Variants in GFRA2 observed in about 807,000 individuals in gnomAD.
GFRA2 encodes GDNF family receptor alpha 2.
Under a neutral mutation model 48.3 loss-of-function variants are expected in GFRA2, and 17 were observed. The ratio of observed to expected loss-of-function variants is 0.35; its 90% CI spans 0.24 to 0.53. The LOEUF (loss-of-function observed/expected upper bound fraction) is 0.53. GFRA2 is among the 20% of genes least tolerant of loss of function. GFRA2 has a pLI of 0.93. For synonymous variants in GFRA2, 305 were observed against 257.2 expected (o/e 1.19, Z -1.78); for missense variants, 660 against 637.3 (o/e 1.04, Z -0.38).
intron 7 of GFRA2, among the ~76,000 whole-genome samples, chr8:21,696,308 C>T (rs1241357364): frequency 6.6e-6 from 1 of 151,362 alleles, no homozygotes; most frequent in Non-Finnish European, 1.5e-5. Context: ...CACCCCCATC[C>T]ACCATAACAG....
intron 4 of GFRA2, among the ~76,000 whole-genome samples, chr8:21,726,450 A>C (rs1405988014): frequency 6.6e-6 from 1 of 152,190 alleles, no homozygotes; most frequent in Admixed American, 6.5e-5. Context: ...GTGGCTTAAA[A>C]TAACACAAGT....
At chr8:21,787,308 G>C (rs1191033810) in intron 1 of GFRA2, among the ~76,000 whole-genome samples, 1 of 148,648 alleles carries the variant, frequency 6.7e-6, no homozygotes, top group African/African-American at 2.5e-5. Context: ...AGTGGTCTTT[G>C]TTCAGACCCG....
intron 4 of GFRA2, among the ~76,000 whole-genome samples, chr8:21,733,992 G>A (rs1804328450): frequency 1.3e-5 from 2 of 152,316 alleles, no homozygotes; most frequent in East Asian, 1.9e-4. Flanking sequence ...AGGGGAGGGA[G>A]GGCAGGGGAC....
chr8:21,764,839 CCCT>C (rs1454950177), intron 3 of GFRA2, among the ~76,000 whole-genome samples: 1 of 152,172 alleles, frequency 6.6e-6, no homozygotes. Flanking sequence ...CTACCCAGCC[CCCT>C]ATTTCACTAC....
At chr8:21,790,193 C>T, upstream of GFRA2, 4 of 689,740 alleles carry the variant, frequency 5.8e-6, no homozygotes, top group Non-Finnish European at 7.1e-6. Context: ...GCGGGAGAGG[C>T]GCGGGGTCGC....
chr8:21,714,559 T>C (rs1418320247), intron 4 of GFRA2, among the ~76,000 whole-genome samples: 1 of 152,070 alleles, frequency 6.6e-6, no homozygotes, highest in Non-Finnish European at 1.5e-5. Flanking sequence ...TATCAGGTGA[T>C]ACCTGTTATG....
chr8:21,796,918 TC>T (rs1807687421), intron 2 of GFRA2, among the ~76,000 whole-genome samples: 1 of 152,194 alleles, frequency 6.6e-6, no homozygotes, highest in African/African-American at 2.4e-5. Flanking sequence ...GGTGCTTTTT[TC>T]TGCAAGTTTG....
intron 6 of GFRA2, among the ~76,000 whole-genome samples, chr8:21,703,434 C>T (rs997493061): frequency 4.6e-5 from 7 of 152,052 alleles, no homozygotes; most frequent in Non-Finnish European, 8.8e-5. Flanking sequence ...AGGGGTCCCA[C>T]ATTCAGCCCT....
intron 7 of GFRA2, among the ~76,000 whole-genome samples, chr8:21,698,896 C>T (rs1802338431): frequency 6.6e-6 from 1 of 151,962 alleles, no homozygotes; most frequent in African/African-American, 2.4e-5. Context: ...CCACTGCAAC[C>T]CCACACCCAT....
chr8:21,721,664 C>A (rs1803601114), intron 4 of GFRA2, among the ~76,000 whole-genome samples: 2 of 152,226 alleles, frequency 1.3e-5, no homozygotes, highest in African/African-American at 4.8e-5. Context: ...TGTTTATGAT[C>A]TTTCTTCTTG....
chr8:21,699,848 G>A (rs1205230813), intron 7 of GFRA2, among the ~76,000 whole-genome samples: 1 of 152,170 alleles, frequency 6.6e-6, no homozygotes, highest in East Asian at 1.9e-4. Flanking sequence ...CCTGAACAAA[G>A]CACCCACTCC....
chr8:21,781,794 G>C (rs1807002128), intron 2 of GFRA2, among the ~76,000 whole-genome samples: 3 of 152,304 alleles, frequency 2.0e-5, no homozygotes, highest in South Asian at 4.1e-4. Flanking sequence ...GGTTACAGTG[G>C]CCCACCTCCT....
intron 4 of GFRA2, among the ~76,000 whole-genome samples, chr8:21,725,853 G>A (rs1287313361): frequency 6.6e-6 from 1 of 152,216 alleles, no homozygotes; most frequent in Non-Finnish European, 1.5e-5. Context: ...CATGCATCCA[G>A]CATCACCCGC....
intron 4 of GFRA2, among the ~76,000 whole-genome samples, chr8:21,728,289 TTTTG>T: frequency 1.4e-5 from 2 of 146,224 alleles, no homozygotes; most frequent in African/African-American, 5.1e-5. Context: ...TTTTTTTTTT[TTTTG>T]AGATGGAGTC....
chr8:21,805,563 C>A (rs995474326), intron 1 of GFRA2, among the ~76,000 whole-genome samples: 9 of 152,290 alleles, frequency 5.9e-5, no homozygotes, highest in South Asian at 4.1e-4. Flanking sequence ...TGCATTCACA[C>A]AGTTTCTGAC....
upstream of GFRA2, chr8:21,790,216 G>A: frequency 2.7e-6 from 1 of 373,616 alleles, no homozygotes; most frequent in Non-Finnish European, 3.7e-6. Flanking sequence ...TCGCGCGAGG[G>A]CTCACACCCA....
chr8:21,724,324 T>C (rs1803751074), intron 4 of GFRA2, among the ~76,000 whole-genome samples: 1 of 151,898 alleles, frequency 6.6e-6, no homozygotes, highest in Non-Finnish European at 1.5e-5. Flanking sequence ...CATCCAGACA[T>C]TGCTGGGGGG....
Position 21,755,827 on chromosome 8 carries a change from G to A in GFRA2, c.440-4885C>T, listed in dbSNP as rs376577039. On this transcript the variant is annotated intron_variant, in intron 3 of 8. Coordinates refer to ENST00000524240, the MANE Select transcript of GFRA2 (RefSeq NM_001495.5). Reference sequence around the variant, plus strand: ...CAAGGCAAGGAATGCCAAGACAAGGGCCTTCAGCCATGTTGGGGCATGTGG... The same window carrying A: ...CAAGGCAAGGAATGCCAAGACAAGGACCTTCAGCCATGTTGGGGCATGTGG... Among the ~76,000 whole-genome samples, 17 of 152,376 alleles carry A rather than the reference G, an allele frequency of 1.1e-4. No individual in the cohort carries two copies. In the East Asian group the frequency reaches 1.4e-3, roughly 12 times the overall value.
intron 4 of GFRA2, among the ~76,000 whole-genome samples, chr8:21,708,275 A>G (rs1284502093): frequency 6.6e-6 from 1 of 152,198 alleles, no homozygotes; most frequent in Non-Finnish European, 1.5e-5. Flanking sequence ...CAGCAGCAGC[A>G]TTTCCAAGCA....
Sources: gnomAD v4.1 joint callset for allele counts (sites outside exome capture counted in the v4.1 genomes callset) on GRCh38, gnomAD v4.1.1 for gene constraint, MANE v1.5 for transcripts, NCBI Gene and HGNC (gene_info 2026-07-23, HGNC 2026-07-21) for gene names.